Variants in CLEC16A observed in about 807,000 individuals in gnomAD.
CLEC16A encodes the protein protein CLEC16A.
Under a neutral mutation model 109.5 loss-of-function variants are expected in CLEC16A, and 51 were observed. That is an observed-to-expected ratio of 0.47 (90% CI 0.37 to 0.59). CLEC16A has a LOEUF of 0.59. Among genes scored for constraint, CLEC16A ranks in the 20% least tolerant of loss-of-function variants. CLEC16A has a pLI of 0.00. For missense variants in CLEC16A, 1,339 were observed against 1,394.0 expected (o/e 0.96, Z 0.63); for synonymous variants, 673 against 564.2 (o/e 1.19, Z -2.73).
At position 11,174,396 on chromosome 16, in the gene CLEC16A, T is replaced by G. The variant is rs1357723945; in HGVS notation, c.2807-3939T>G. On this transcript the variant is annotated intron_variant, in intron 23 of 23. Coordinates refer to ENST00000409790, the MANE Select transcript of CLEC16A (RefSeq NM_015226.3). The surrounding 1 kb of genome is among the most constrained non-coding windows in gnomAD (Gnocchi z 4.7). ...AGCTGGGCCTGAGCACAGAGCCATTTGCCAAGGCGGCACTTCCCCATTTTC... is the reference window on the plus strand; with the variant it reads ...AGCTGGGCCTGAGCACAGAGCCATTGGCCAAGGCGGCACTTCCCCATTTTC... The G allele has an allele frequency of 2.8e-6, 1 of 356,882 alleles. No individual in the cohort carries two copies. The highest frequency in any genetic ancestry group is 2.0e-5 in the South Asian group (1 of 49,566). 22.1% of individuals were successfully genotyped at this position (356,882 alleles called of 1,614,324 possible). A position where few individuals can be genotyped will look rare whatever the true frequency, so the allele number is the denominator to read the frequency against.
At chr16:10,989,060 G>C (rs2043838273) in intron 10 of CLEC16A, among the ~76,000 whole-genome samples, 1 of 152,162 alleles carries the variant, frequency 6.6e-6, no homozygotes, top group African/African-American at 2.4e-5. Context: ...AGGGAGAAGT[G>C]TTAGTAATAA....
intron 22 of CLEC16A, among the ~76,000 whole-genome samples, chr16:11,140,270 G>A (rs889732579): frequency 2.6e-5 from 4 of 152,296 alleles, no homozygotes; most frequent in African/African-American, 9.6e-5. Flanking sequence ...CTGGCTCACG[G>A]ATGTCCTGTT....
At chr16:10,968,065 G>T (rs529463860) in intron 3 of CLEC16A, among the ~76,000 whole-genome samples, 12 of 152,250 alleles carry the variant, frequency 7.9e-5, no homozygotes, top group Admixed American at 6.5e-4. Context: ...TGTGAATCGT[G>T]TTCTGCCTTT....
chr16:11,170,364 G>A lies in CLEC16A; in HGVS notation c.2806+3812G>A, dbSNP rs530654534. Among the ~76,000 whole-genome samples, 9 of 152,360 alleles carry A rather than the reference G, an allele frequency of 5.9e-5. No individual in the cohort carries two copies. The East Asian group carries it at 1.2e-3, about 20-fold the overall frequency. ...GCAAAGTGGACCCCAGGGAGCCCAC[G>A]TGGGTTCATCCCACATGAGGCAGTG... On this transcript the variant is annotated intron_variant, in intron 23 of 23. Transcript: ENST00000409790.
chr16:11,023,776 C>T (rs911266634), intron 12 of CLEC16A, among the ~76,000 whole-genome samples: 9 of 152,204 alleles, frequency 5.9e-5, no homozygotes, highest in Non-Finnish European at 1.3e-4. Flanking sequence ...GCTTGGGTGT[C>T]CTTCCAGAAA....
At chr16:11,072,506 G>C (rs189114009) in intron 19 of CLEC16A, among the ~76,000 whole-genome samples, 1 of 152,276 alleles carries the variant, frequency 6.6e-6, no homozygotes, top group East Asian at 1.9e-4. Flanking sequence ...TCCAGTCCTT[G>C]AAAATCCAAC....
chr16:10,985,279 A>T (rs1367690979), intron 10 of CLEC16A, among the ~76,000 whole-genome samples: 3 of 150,668 alleles, frequency 2.0e-5, no homozygotes, highest in Non-Finnish European at 4.4e-5. Context: ...TGGCCACCAG[A>T]CTCATTTGGT....
At chr16:11,112,495 C>CA (rs984574100) in intron 19 of CLEC16A, among the ~76,000 whole-genome samples, 3,443 of 85,528 alleles carry the variant, frequency 0.04, 138 homozygotes, top group Middle Eastern at 0.076. Context: ...CCTATCTCTA[C>CA]AAAAAAAAAA....
rs2042258619 is a variant in CLEC16A, at chr16:10,961,796, T to G, written c.210-659T>G. 6.6e-6 allele frequency among the ~76,000 whole-genome samples: 1 copy of G among 152,206 alleles called. No homozygotes were observed. The highest frequency in any genetic ancestry group is 2.4e-5 in the African/African-American group (1 of 41,438). On this transcript the variant is annotated intron_variant, in intron 2 of 23. Coordinates refer to ENST00000409790, the MANE Select transcript of CLEC16A (RefSeq NM_015226.3). This position sits in a 1 kb window ranked among gnomAD's most constrained non-coding sequence, Gnocchi z 4.3. ...GCCTCCTCTGTTCCGTGACTCTTTT[T>G]TAGTCTTCTGTTGTTTTTACGACCC...
Position 11,093,348 on chromosome 16 carries a change from G to A in CLEC16A, c.2117-27267G>A, listed in dbSNP as rs572363155. On this transcript the variant is annotated intron_variant, in intron 19 of 23. Coordinates refer to ENST00000409790, the MANE Select transcript of CLEC16A (RefSeq NM_015226.3). ...CAGTGCGGTTACCGTGGCCATACTC[G>A]TCCCAGTGAGTATGAGTCTAGGACT... Among the ~76,000 whole-genome samples, 12 of 152,284 alleles carry A rather than the reference G, an allele frequency of 7.9e-5. No individual in the cohort carries two copies. In the South Asian group the frequency reaches 1.2e-3, roughly 16 times the overall value.
rs1348502668 is a variant in CLEC16A, at chr16:11,178,565, G to T, written c.3037G>T (p.Val1013Phe). ...CGAATCGCTGACCCTTGTCCCCCCA[G>T]TTGACCCCCACAGCCTCCGCAGCCT... Reference protein sequence around the residue: ...SVESLTLVPPVDPHSLRSLTG... With the variant: ...SVESLTLVPPFDPHSLRSLTG... Residue 1013 changes from valine to phenylalanine, a missense_variant, in exon 24 of 24, where the codon GTT becomes TTT. Physicochemically the swap from Val to Phe is conservative, Grantham distance 50 (BLOSUM62 -1). Transcript: ENST00000409790. This position sits in a 1 kb window ranked among gnomAD's most constrained non-coding sequence, Gnocchi z 6.5. The T allele has an allele frequency of 6.2e-7, 1 of 1,612,060 alleles. No individual in the cohort carries two copies. Among genetic ancestry groups the T allele is most frequent in the Non-Finnish European group, 8.5e-7 (1 of 1,179,788 alleles).
chr16:11,162,674 T>C (rs1597606913), intron 22 of CLEC16A, among the ~76,000 whole-genome samples: 1 of 152,196 alleles, frequency 6.6e-6, no homozygotes, highest in African/African-American at 2.4e-5. Flanking sequence ...TCTTGAGCAT[T>C]TCCCCCAACA....
At chr16:11,101,041 G>A (rs1288808400) in intron 19 of CLEC16A, among the ~76,000 whole-genome samples, 1 of 152,170 alleles carries the variant, frequency 6.6e-6, no homozygotes, top group African/African-American at 2.4e-5. Context: ...TAGATACACA[G>A]TAACTGTTTG....
intron 22 of CLEC16A, among the ~76,000 whole-genome samples, chr16:11,133,708 T>G (rs1243876510): frequency 1.3e-5 from 2 of 152,292 alleles, no homozygotes; most frequent in African/African-American, 4.8e-5. Context: ...AGGAACTAAT[T>G]TTTTAGTCCT....
chr16:10,964,167 C>A (rs1596772630), intron 3 of CLEC16A, among the ~76,000 whole-genome samples: 1 of 152,214 alleles, frequency 6.6e-6, no homozygotes, highest in Non-Finnish European at 1.5e-5. Context: ...GGTGAAAGGG[C>A]TGCTGAGTGA....
At chr16:11,137,834 A>G (rs2053641817) in intron 22 of CLEC16A, among the ~76,000 whole-genome samples, 1 of 152,158 alleles carries the variant, frequency 6.6e-6, no homozygotes, top group African/African-American at 2.4e-5. Context: ...GCAAATAAGC[A>G]GTATTGCCGA....
chr16:11,141,583 AG>A (rs2053832345), intron 22 of CLEC16A, among the ~76,000 whole-genome samples: 1 of 152,256 alleles, frequency 6.6e-6, no homozygotes, highest in Non-Finnish European at 1.5e-5. Context: ...GCCGCGAAGC[AG>A]GGAAGTGGCT....
chr16:11,073,437 G>A (rs940909139), intron 19 of CLEC16A, among the ~76,000 whole-genome samples: 1 of 152,012 alleles, frequency 6.6e-6, no homozygotes, highest in Non-Finnish European at 1.5e-5. Context: ...CCCCTGCCCA[G>A]TATCTCCCCC....
chr16:10,965,509 G>C (rs970770552), intron 3 of CLEC16A, among the ~76,000 whole-genome samples: 4 of 152,160 alleles, frequency 2.6e-5, no homozygotes, highest in Middle Eastern at 3.4e-3. Flanking sequence ...TCATTGTCCC[G>C]TTCTGTAACC....
Sources: allele counts gnomAD v4.1 joint callset (sites outside exome capture counted in the v4.1 genomes callset), GRCh38; gene constraint gnomAD v4.1.1; non-coding constraint Gnocchi (gnomAD v3.1); transcripts MANE v1.5; gene names NCBI Gene and HGNC (gene_info 2026-07-23, HGNC 2026-07-21).